Variants in LRRC7 observed in about 807,000 individuals in gnomAD.
The protein encoded by LRRC7 is leucine-rich repeat-containing protein 7.
A neutral mutation model predicts 175.7 loss-of-function variants in LRRC7; 23 were observed. The ratio of observed to expected loss-of-function variants is 0.13; its 90% CI spans 0.09 to 0.19. LRRC7 has a LOEUF of 0.19. Ranked by LOEUF, LRRC7 falls within the 10% of genes least tolerant of loss-of-function variation. The pLI is 1.00. For synonymous variants in LRRC7, 685 were observed against 680.9 expected (o/e 1.01, Z -0.09); for missense variants, 1,354 against 1,904.7 (o/e 0.71, Z 5.38).
intron 24 of LRRC7, among the ~76,000 whole-genome samples, chr1:70,086,381 T>C (rs1663611169): frequency 6.6e-6 from 1 of 152,144 alleles, no homozygotes; most frequent in African/African-American, 2.4e-5. Context: ...CCAGAAGTTA[T>C]CAAGTAAAGT....
At chr1:69,692,824 T>G (rs1662056341) in intron 2 of LRRC7, among the ~76,000 whole-genome samples, 1 of 152,128 alleles carries the variant, frequency 6.6e-6, no homozygotes, top group African/African-American at 2.4e-5. Flanking sequence ...GGTGTGTCTA[T>G]GCGAATGTTT....
chr1:69,722,208 T>C (rs979888790), intron 2 of LRRC7, among the ~76,000 whole-genome samples: 5 of 152,004 alleles, frequency 3.3e-5, no homozygotes, highest in Non-Finnish European at 7.4e-5. Flanking sequence ...CAATGACTTT[T>C]TTACTTAATA....
intron 4 of LRRC7, among the ~76,000 whole-genome samples, chr1:69,809,506 C>T (rs958245976): frequency 2.0e-5 from 3 of 152,098 alleles, no homozygotes; most frequent in Non-Finnish European, 4.4e-5. Flanking sequence ...CCCTGGTGAA[C>T]ATCGATGCAA....
intron 5 of LRRC7, among the ~76,000 whole-genome samples, chr1:69,832,131 G>A (rs1295726444): frequency 1.3e-5 from 2 of 152,168 alleles, no homozygotes; most frequent in Non-Finnish European, 2.9e-5. Flanking sequence ...TACTTGTTGA[G>A]AGTGTTTTTT....
At chr1:69,915,985 C>A (rs533449031) in intron 7 of LRRC7, among the ~76,000 whole-genome samples, 26 of 142,958 alleles carry the variant, frequency 1.8e-4, no homozygotes, top group African/African-American at 6.4e-4. Context: ...GGATTCAGAC[C>A]CAGGTAGTTT....
intron 1 of LRRC7, among the ~76,000 whole-genome samples, chr1:69,585,490 A>G (rs982973797): frequency 3.3e-5 from 5 of 152,190 alleles, no homozygotes; most frequent in African/African-American, 1.2e-4. Context: ...TGCCTTTACC[A>G]TTTGCATAGA....
At chr1:69,636,092 A>G (rs1407077521) in intron 1 of LRRC7, among the ~76,000 whole-genome samples, 1 of 152,032 alleles carries the variant, frequency 6.6e-6, no homozygotes. Context: ...TACCAAACCT[A>G]CTTCCTGGTT....
intron 1 of LRRC7, among the ~76,000 whole-genome samples, chr1:69,612,179 T>C (rs1030247915): frequency 2.4e-4 from 37 of 152,184 alleles, no homozygotes; most frequent in African/African-American, 8.7e-4. Context: ...AAACTGAAAT[T>C]AAAATAATAT....
chr1:69,720,160 T>C (rs1473125725), intron 2 of LRRC7, among the ~76,000 whole-genome samples: 1 of 151,714 alleles, frequency 6.6e-6, no homozygotes, highest in Non-Finnish European at 1.5e-5. Context: ...TATTTTCTCT[T>C]TAACTCACCT....
At chr1:69,802,305 G>A (rs1303920552) in intron 4 of LRRC7, among the ~76,000 whole-genome samples, 1 of 151,370 alleles carries the variant, frequency 6.6e-6, no homozygotes, top group Non-Finnish European at 1.5e-5. Context: ...TCTAAGTGTT[G>A]TGAGTGAGGT....
intron 2 of LRRC7, among the ~76,000 whole-genome samples, chr1:69,746,353 G>C (rs527456374): frequency 3.9e-4 from 59 of 151,970 alleles, no homozygotes; most frequent in African/African-American, 1.4e-3. Flanking sequence ...TATGTGCATG[G>C]CTCAAAAACA....
intron 2 of LRRC7, among the ~76,000 whole-genome samples, chr1:69,702,905 G>A (rs2100702368): frequency 6.6e-6 from 1 of 152,138 alleles, no homozygotes; most frequent in Admixed American, 6.6e-5. Context: ...AGTCAGGAAA[G>A]GGTGAGCAGT....
chr1:69,872,522 C>T (rs999529552), intron 7 of LRRC7, among the ~76,000 whole-genome samples: 4 of 151,892 alleles, frequency 2.6e-5, no homozygotes, highest in African/African-American at 9.7e-5. Flanking sequence ...TGATTTAATT[C>T]CAAATACCCA....
At chr1:69,634,699 T>C (rs1363234778) in intron 1 of LRRC7, among the ~76,000 whole-genome samples, 1 of 152,158 alleles carries the variant, frequency 6.6e-6, no homozygotes, top group Non-Finnish European at 1.5e-5. Flanking sequence ...TCTGGTTGTA[T>C]GTACACAATT....
At chr1:69,781,938 A>AAGAG (rs1557721382) in intron 3 of LRRC7, among the ~76,000 whole-genome samples, 6 of 122,962 alleles carry the variant, frequency 4.9e-5, no homozygotes, top group Admixed American at 8.2e-5. Context: ...GAAAGAAAGA[A>AAGAG]AGAGAAAAGA....
At chr1:69,743,103 A>T (rs1212320486) in intron 2 of LRRC7, among the ~76,000 whole-genome samples, 1 of 151,988 alleles carries the variant, frequency 6.6e-6, no homozygotes, top group Non-Finnish European at 1.5e-5. Flanking sequence ...CTTTCTGATA[A>T]AACTTTAAAA....
rs1246014718 is a variant in LRRC7, at chr1:69,704,908, T to C, written c.100+26430T>C. On this transcript the variant is annotated intron_variant, in intron 2 of 26. Transcript: ENST00000651989. ...TTCTCCTACATATTTCAACTACAAA[T>C]CAAAATTCAATAATTTATTTCTCAT... 2.6e-5 allele frequency among the ~76,000 whole-genome samples: 4 copies of C among 152,126 alleles called. No individual in the cohort carries two copies. In the East Asian group the frequency reaches 7.7e-4, roughly 29 times the overall value.
intron 1 of LRRC7, among the ~76,000 whole-genome samples, chr1:69,640,549 A>G (rs1338580637): frequency 1.3e-5 from 2 of 151,198 alleles, no homozygotes; most frequent in East Asian, 1.9e-4. Flanking sequence ...ATCATTAAAC[A>G]TAGATATTTT....
chr1:70,046,489 G>A lies in LRRC7; in HGVS notation c.4110+2395G>A, dbSNP rs183199272. 2.1e-4 allele frequency among the ~76,000 whole-genome samples: 32 copies of A among 152,016 alleles called. No homozygotes were observed. The South Asian group carries it at 2.3e-3, about 11-fold the overall frequency. On this transcript the variant is annotated intron_variant, in intron 22 of 26. Coordinates refer to ENST00000651989, the MANE Select transcript of LRRC7 (RefSeq NM_001370785.2). ...AGACTCCACCTCAAAATAAATTATC[G>A]TCAATATTTTATTATCTGCACCAAA...
Sources: allele counts gnomAD v4.1 joint callset (sites outside exome capture counted in the v4.1 genomes callset), GRCh38; gene constraint gnomAD v4.1.1; transcripts MANE v1.5; gene names NCBI Gene and HGNC (gene_info 2026-07-23, HGNC 2026-07-21).